Variants in MPRIP observed in about 807,000 individuals in gnomAD.
MPRIP encodes myosin phosphatase Rho interacting protein.
MPRIP carries 59 observed loss-of-function variants against 234.9 expected under a neutral mutation model. That is an observed-to-expected ratio of 0.25 (90% CI 0.20 to 0.31). MPRIP has a LOEUF of 0.31. Ranked by LOEUF, MPRIP falls within the 10% of genes least tolerant of loss-of-function variation. The pLI is 1.00. For synonymous variants in MPRIP, 1,144 were observed against 1,263.9 expected, an observed-to-expected ratio of 0.91 and a Z score of 2.01; for missense variants, 2,436 against 3,071.0, an observed-to-expected ratio of 0.79 and a Z score of 4.89.
At chr17:17,172,172 A>C (rs957083223) in intron 17 of MPRIP, among the ~76,000 whole-genome samples, 1 of 152,240 alleles carries the variant, frequency 6.6e-6, no homozygotes, top group Non-Finnish European at 1.5e-5. Flanking sequence ...CAGTCCAGCC[A>C]GTGACTTTCC....
chr17:17,108,241 G>A lies in MPRIP; in HGVS notation c.268-18461G>A, dbSNP rs2090101487. On this transcript the variant is annotated intron_variant, in intron 3 of 23. Coordinates refer to ENST00000651222, the MANE Select transcript of MPRIP (RefSeq NM_001364716.4). ...CCCCACTGCCAGCAGGCTCTTTACA[G>A]CTGCATTTTGTCTCCACACTCTTCT... is the stretch of plus-strand genomic sequence containing the variant. Among the ~76,000 whole-genome samples, 7 of 152,220 alleles carry A rather than the reference G, an allele frequency of 4.6e-5. No individual in the cohort carries two copies. The South Asian group carries it at 1.4e-3, about 32-fold the overall frequency.
At chr17:17,059,803 T>G (rs908853895) in intron 1 of MPRIP, among the ~76,000 whole-genome samples, 4 of 152,038 alleles carry the variant, frequency 2.6e-5, no homozygotes, top group African/African-American at 9.7e-5. Flanking sequence ...GGATGGGGAG[T>G]GGCCCAGTTG....
chr17:17,186,761 T>G lies in MPRIP; in HGVS notation c.*1867T>G, dbSNP rs7208046. 842 of 152,302 alleles carry G rather than the reference T, an allele frequency of 5.5e-3. 5 individuals are homozygous for G. Among genetic ancestry groups the G allele is most frequent in the African/African-American group, 0.019 (771 of 41,544 alleles). 9.4% of individuals were successfully genotyped at this position (152,302 alleles called of 1,614,324 possible). On this transcript the variant is annotated 3_prime_UTR_variant, in exon 24 of 24. Coordinates refer to ENST00000651222, the MANE Select transcript of MPRIP (RefSeq NM_001364716.4). ...TCAGACCCCCCCTGACCATTTAGAT[T>G]GGCAGTGCTTTGAGAAATGCACTAT...
chr17:17,133,985 G>A (rs942128336), intron 5 of MPRIP, among the ~76,000 whole-genome samples: 1 of 152,146 alleles, frequency 6.6e-6, no homozygotes, highest in African/African-American at 2.4e-5. Flanking sequence ...CACTCCTCTG[G>A]TGGAGCTGAA....
chr17:17,067,790 CTTTTTTTT>C (rs35187618), intron 1 of MPRIP, among the ~76,000 whole-genome samples: 4 of 76,750 alleles, frequency 5.2e-5, no homozygotes, highest in African/African-American at 1.8e-4. Flanking sequence ...CTTCTTCTTC[CTTTTTTTT>C]TTTTTTTTTT....
chr17:17,182,166 ACTC>A (rs1481552873), intron 23 of MPRIP: 21 of 151,358 alleles, frequency 1.4e-4, no homozygotes, highest in African/African-American at 5.1e-4. Flanking sequence ...GTATCTGAAG[ACTC>A]CACCCAACCC....
At chr17:17,179,130 A>T (rs1017247946) in intron 22 of MPRIP, among the ~76,000 whole-genome samples, 7 of 151,756 alleles carry the variant, frequency 4.6e-5, no homozygotes, top group African/African-American at 1.7e-4. Flanking sequence ...TCTGGCCAAC[A>T]TTGTGAAACC....
chr17:17,066,193 G>T (rs1488842510), intron 1 of MPRIP, among the ~76,000 whole-genome samples: 2 of 152,196 alleles, frequency 1.3e-5, no homozygotes, highest in African/African-American at 4.8e-5. Flanking sequence ...TTCTGAGATG[G>T]CCATCATTGC....
intron 2 of MPRIP, chr17:17,077,787 C>T: frequency 4.1e-6 from 2 of 490,390 alleles, no homozygotes; most frequent in Non-Finnish European, 7.4e-6. Context: ...CTTATTAAGC[C>T]TCAATCACTC....
intron 15 of MPRIP, among the ~76,000 whole-genome samples, chr17:17,162,904 G>T (rs1212609776): frequency 6.6e-6 from 1 of 152,216 alleles, no homozygotes; most frequent in Non-Finnish European, 1.5e-5. Flanking sequence ...TACTCAACTT[G>T]TACTAAGCAG....
chr17:17,177,508 T>G, intron 22 of MPRIP, 96 bp downstream of exon 22: 1 of 1,352,574 alleles, frequency 7.4e-7, no homozygotes, highest in Non-Finnish European at 1.0e-6. Flanking sequence ...AGCAGAAGAG[T>G]CCCAGTGATG....
At chr17:17,052,729 G>T (rs1390052014) in intron 1 of MPRIP, among the ~76,000 whole-genome samples, 1 of 152,186 alleles carries the variant, frequency 6.6e-6, no homozygotes, top group East Asian at 1.9e-4. Context: ...CAGCCTCGGG[G>T]TGCCCCACAT....
intron 3 of MPRIP, among the ~76,000 whole-genome samples, chr17:17,118,140 C>T (rs1412404840): frequency 3.9e-5 from 6 of 152,230 alleles, no homozygotes; most frequent in African/African-American, 1.2e-4. Flanking sequence ...CCAAAGCTGC[C>T]TAAGGTCCTG....
chr17:17,102,787 G>A (rs1039663162), intron 3 of MPRIP, among the ~76,000 whole-genome samples: 2 of 152,220 alleles, frequency 1.3e-5, no homozygotes, highest in African/African-American at 2.4e-5. Flanking sequence ...GTCCACAGAG[G>A]ACTCTGAAGG....
intron 3 of MPRIP, among the ~76,000 whole-genome samples, chr17:17,125,355 C>T (rs562478668): frequency 3.3e-5 from 5 of 152,340 alleles, no homozygotes; most frequent in South Asian, 2.1e-4. Context: ...GCTGGACCCA[C>T]GGGGGATGGC....
intron 3 of MPRIP, among the ~76,000 whole-genome samples, chr17:17,115,688 C>G (rs984598995): frequency 1.3e-5 from 2 of 152,220 alleles, no homozygotes; most frequent in Non-Finnish European, 2.9e-5. Flanking sequence ...GCCACTCCTC[C>G]CCTCCTGCTT....
intron 11 of MPRIP, among the ~76,000 whole-genome samples, chr17:17,147,734 G>C (rs1244306110): frequency 2.0e-5 from 3 of 152,156 alleles, no homozygotes; most frequent in East Asian, 3.8e-4. Context: ...AACTCAGGAT[G>C]AACAATTTTG....
intron 3 of MPRIP, among the ~76,000 whole-genome samples, chr17:17,080,183 T>G (rs1290158150): frequency 6.6e-6 from 1 of 152,212 alleles, no homozygotes; most frequent in Non-Finnish European, 1.5e-5. Context: ...GTGGAGGGGT[T>G]TCCCTGTTGT....
chr17:17,096,288 GGTGTGTGTGTGT>G (rs59748753), intron 3 of MPRIP, among the ~76,000 whole-genome samples: 48,289 of 136,290 alleles, frequency 0.35, 9,685 homozygotes, highest in East Asian at 0.57. Flanking sequence ...GTGTGTGCAG[GGTGTGTGTGTGT>G]GTGTGTGTGT....
Sources: gnomAD v4.1 joint callset for allele counts (sites outside exome capture counted in the v4.1 genomes callset) on GRCh38, gnomAD v4.1.1 for gene constraint, MANE v1.5 for transcripts, NCBI Gene and HGNC (gene_info 2026-07-23, HGNC 2026-07-21) for gene names.